The following PCCB variants were observed in gnomAD, a reference collection of about 807,000 sequenced individuals.
The protein encoded by PCCB is propionyl-CoA carboxylase beta chain, mitochondrial.
PCCB carries 43 observed loss-of-function variants against 60.7 expected under a neutral mutation model. That is an observed-to-expected ratio of 0.71 (90% CI 0.55 to 0.91). The LOEUF is 0.91. PCCB is among the 40% of genes least tolerant of loss of function. PCCB has a pLI of 0.00. For missense variants in PCCB, 766 were observed against 702.8 expected, an observed-to-expected ratio of 1.09 and a Z score of -1.02; for synonymous variants, 276 against 255.9, an observed-to-expected ratio of 1.08 and a Z score of -0.75.
intron 9 of PCCB, among the ~76,000 whole-genome samples, chr3:136,310,596 C>T (rs896803968): frequency 1.3e-5 from 2 of 152,134 alleles, no homozygotes; most frequent in African/African-American, 2.4e-5. Context: ...AGTCCTAGTG[C>T]CACATAAATT....
chr3:136,299,574 G>A (rs1934123190), intron 8 of PCCB, among the ~76,000 whole-genome samples: 1 of 111,520 alleles, frequency 9.0e-6, no homozygotes, highest in Admixed American at 7.9e-5. Context: ...GTATATGCAT[G>A]TGTATGTATA....
chr3:136,303,846 C>T lies in PCCB; in HGVS notation c.966+2735C>T, dbSNP rs1220766761. ...CTTGAACTTCTGACCTCAGGTGATC[C>T]ACCTGCCTTGGCCCCACAAAGTGCT... On this transcript the variant is annotated intron_variant, in intron 9 of 14. Coordinates refer to ENST00000251654, the MANE Select transcript of PCCB (RefSeq NM_000532.5). Among the ~76,000 whole-genome samples, 3 of 122,516 alleles carry T rather than the reference C, an allele frequency of 2.4e-5. 1 individual carries two copies. The highest frequency in any genetic ancestry group is 3.6e-5 in the Non-Finnish European group (2 of 54,856). The allele number at this position is 122,516 out of a possible 152,430, so 80.4% of individuals were successfully genotyped here.
At chr3:136,301,286 A>C (rs1270111918) in intron 9 of PCCB, among the ~76,000 whole-genome samples, 175 bp downstream of exon 9, 1 of 152,144 alleles carries the variant, frequency 6.6e-6, no homozygotes. Flanking sequence ...GGAAAGACCT[A>C]GTGGCTATAG....
At chr3:136,320,221 A>C (rs373387090) in intron 10 of PCCB, among the ~76,000 whole-genome samples, 2 of 152,276 alleles carry the variant, frequency 1.3e-5, no homozygotes, top group South Asian at 4.1e-4. Flanking sequence ...TGACTTTCCC[A>C]TTTCTCCAAA....
chr3:136,320,380 G>T (rs1318782596), intron 10 of PCCB, among the ~76,000 whole-genome samples: 1 of 152,028 alleles, frequency 6.6e-6, no homozygotes, highest in Non-Finnish European at 1.5e-5. Flanking sequence ...GCTGTGTTTT[G>T]TAGTTTTCAG....
chr3:136,327,835 A>C, intron 13 of PCCB, 103 bp downstream of exon 13: 1 of 898,472 alleles, frequency 1.1e-6, no homozygotes, highest in Non-Finnish European at 1.8e-6. Context: ...CAGGGCCCCT[A>C]GGTTGAGCCA....
At chr3:136,300,089 T>C (rs776020711) in intron 8 of PCCB, among the ~76,000 whole-genome samples, 2 of 147,092 alleles carry the variant, frequency 1.4e-5, no homozygotes, top group African/African-American at 5.5e-5. Flanking sequence ...TATACGCATA[T>C]CTACACATAT....
intron 9 of PCCB, among the ~76,000 whole-genome samples, chr3:136,310,863 G>A (rs553308835): frequency 6.6e-6 from 1 of 152,126 alleles, no homozygotes; most frequent in East Asian, 1.9e-4. Flanking sequence ...AGACGCTGAA[G>A]AAAACCTTTA....
rs537038044 is a variant in PCCB, at chr3:136,322,487, A to G, written c.1091-4316A>G. On this transcript the variant is annotated intron_variant, in intron 10 of 14. Coordinates refer to ENST00000251654, the MANE Select transcript of PCCB (RefSeq NM_000532.5). ...GGACTCATAGAATGAGTTAGAAAGTATTCTTTCTGCTTCTGTCTTCTGGAA... is the reference window on the plus strand; with the variant it reads ...GGACTCATAGAATGAGTTAGAAAGTGTTCTTTCTGCTTCTGTCTTCTGGAA... Among the ~76,000 whole-genome samples the G allele has an allele frequency of 4.6e-5, 7 of 152,358 alleles. No individual in the cohort carries two copies. In the East Asian group the frequency reaches 1.2e-3, roughly 25 times the overall value.
At chr3:136,284,516 TA>T (rs925172087) in intron 6 of PCCB, among the ~76,000 whole-genome samples, 1 of 152,158 alleles carries the variant, frequency 6.6e-6, no homozygotes, top group Non-Finnish European at 1.5e-5. Flanking sequence ...AACCTTGCTT[TA>T]AAAAAATCAG....
chr3:136,309,712 G>T (rs559178485), intron 9 of PCCB, among the ~76,000 whole-genome samples: 1 of 151,734 alleles, frequency 6.6e-6, no homozygotes, highest in African/African-American at 2.4e-5. Context: ...CAGTGTAGGA[G>T]AATTGCTAGA....
intron 5 of PCCB, among the ~76,000 whole-genome samples, chr3:136,275,303 T>C (rs977296561): frequency 8.5e-5 from 13 of 152,168 alleles, no homozygotes; most frequent in African/African-American, 3.1e-4. Context: ...ATGATATCTA[T>C]GTAGAAAATT....
chr3:136,279,822 C>G (rs1249168678), intron 5 of PCCB, among the ~76,000 whole-genome samples: 2 of 152,096 alleles, frequency 1.3e-5, no homozygotes, highest in Non-Finnish European at 2.9e-5. Flanking sequence ...CGCGCACCAC[C>G]ATGCCTGGCT....
chr3:136,264,448 G>A (rs9289507), intron 5 of PCCB, among the ~76,000 whole-genome samples: 18,403 of 99,020 alleles, frequency 0.19, 3,324 homozygotes, highest in African/African-American at 0.42. Flanking sequence ...GTGTATATAT[G>A]TATATATATA....
chr3:136,293,825 G>A lies in PCCB; in HGVS notation c.724G>A (p.Glu242Lys). 1 of 1,612,940 alleles carries A rather than the reference G, an allele frequency of 6.2e-7. No individual in the cohort carries two copies. The highest frequency in any genetic ancestry group is 8.5e-7 in the Non-Finnish European group (1 of 1,178,968). Residue 242 changes from glutamate (E) to lysine (K), a missense_variant, in exon 7 of 15, where the codon GAG (glutamate) becomes AAG (lysine). Coordinates refer to ENST00000251654, the MANE Select transcript of PCCB (RefSeq NM_000532.5). ...KSVTNEDVTQ[E>K]ELGGAKTHTT... The stretch of plus-strand genomic sequence containing the variant: ...TGTCACCAATGAGGATGTTACCCAG[G>A]AGGAGCTCGGTGGTGCCAAGACCCA...
chr3:136,328,119 C>T (rs1227271895), intron 13 of PCCB, among the ~76,000 whole-genome samples: 2 of 152,216 alleles, frequency 1.3e-5, no homozygotes, highest in East Asian at 1.9e-4. Flanking sequence ...CCCAGAGCTA[C>T]TCTTTTAAGC....
At chr3:136,267,846 T>C (rs1457658721) in intron 5 of PCCB, among the ~76,000 whole-genome samples, 1 of 151,872 alleles carries the variant, frequency 6.6e-6, no homozygotes, top group Non-Finnish European at 1.5e-5. Context: ...TCAAGTTTTC[T>C]TTTGTGGGTC....
chr3:136,279,908 T>C (rs954501784), intron 5 of PCCB, among the ~76,000 whole-genome samples: 1 of 152,120 alleles, frequency 6.6e-6, no homozygotes, highest in Non-Finnish European at 1.5e-5. Flanking sequence ...CCTCGTGATC[T>C]GCCCGTCTCG....
rs77502650 is a variant in PCCB at position 136,276,199 on chromosome 3, C to A, written c.544-7638C>A. On this transcript the variant is annotated intron_variant, in intron 5 of 14. Coordinates refer to ENST00000251654, the MANE Select transcript of PCCB (RefSeq NM_000532.5). ...TGCTTTTTTATTTATTTAATTTTTC[C>A]CCTGTATTTTATTTACTAAGTTGAT... is the stretch of plus-strand genomic sequence containing the variant. Among the ~76,000 whole-genome samples, 595 of 152,240 alleles carry A rather than the reference C, an allele frequency of 3.9e-3. 9 individuals carry two copies. The East Asian group carries it at 0.055, about 14-fold the overall frequency.
Sources: allele counts gnomAD v4.1 joint callset (sites outside exome capture counted in the v4.1 genomes callset), GRCh38; gene constraint gnomAD v4.1.1; transcripts MANE v1.5; gene names NCBI Gene and HGNC (gene_info 2026-07-23, HGNC 2026-07-21).